Variants in SLC8A1 observed in about 807,000 individuals in gnomAD.
SLC8A1 encodes sodium/calcium exchanger 1.
SLC8A1 carries 18 observed loss-of-function variants against 68.3 expected under a neutral mutation model. The ratio of observed to expected loss-of-function variants is 0.26; its 90% CI spans 0.18 to 0.39. The LOEUF is 0.39. Ranked by LOEUF, SLC8A1 falls within the 10% of genes least tolerant of loss-of-function variation. The pLI is 1.00. For synonymous variants in SLC8A1, 475 were observed against 415.5 expected, an observed-to-expected ratio of 1.14 and a Z score of -1.74; for missense variants, 985 against 1,156.7, an observed-to-expected ratio of 0.85 and a Z score of 2.15.
At chr2:40,248,393 T>C (rs1277580874) in intron 2 of SLC8A1, among the ~76,000 whole-genome samples, 1 of 152,072 alleles carries the variant, frequency 6.6e-6, no homozygotes, top group Admixed American at 6.5e-5. Context: ...TTAGTGCCCT[T>C]ATAAAAGAGG....
chr2:40,355,411 G>A (rs190495117), intron 2 of SLC8A1, among the ~76,000 whole-genome samples: 11 of 152,254 alleles, frequency 7.2e-5, no homozygotes, highest in Admixed American at 5.2e-4. Flanking sequence ...GCAGAAGACA[G>A]GTCTTCCTGT....
At chr2:40,284,262 T>A (rs535796766) in intron 2 of SLC8A1, among the ~76,000 whole-genome samples, 2 of 150,220 alleles carry the variant, frequency 1.3e-5, no homozygotes, top group African/African-American at 4.9e-5. Context: ...TCTCTATATA[T>A]AAATATATAG....
At chr2:40,367,676 C>G (rs1676699258) in intron 2 of SLC8A1, among the ~76,000 whole-genome samples, 1 of 152,008 alleles carries the variant, frequency 6.6e-6, no homozygotes, top group African/African-American at 2.4e-5. Flanking sequence ...TCAATGAAAT[C>G]TGAACATGTG....
chr2:40,355,918 T>C (rs6544324), intron 2 of SLC8A1, among the ~76,000 whole-genome samples: 79,211 of 152,000 alleles, frequency 0.52, 21,252 homozygotes, highest in Admixed American at 0.61. Context: ...GCTGGAAAGG[T>C]TGATGCTCTG....
At chr2:40,395,393 C>G (rs1686600916) in intron 2 of SLC8A1, among the ~76,000 whole-genome samples, 1 of 152,120 alleles carries the variant, frequency 6.6e-6, no homozygotes, top group African/African-American at 2.4e-5. Context: ...GTGCAGGCCC[C>G]TCTTATGACA....
chr2:40,237,677 C>T (rs1244985067), intron 2 of SLC8A1, among the ~76,000 whole-genome samples: 21 of 152,152 alleles, frequency 1.4e-4, no homozygotes, highest in South Asian at 8.3e-4. Flanking sequence ...GGAGGAGAGG[C>T]GCTCTGCTTT....
chr2:40,319,004 G>C (rs548860286), intron 2 of SLC8A1, among the ~76,000 whole-genome samples: 1 of 152,070 alleles, frequency 6.6e-6, no homozygotes, highest in East Asian at 1.9e-4. Context: ...ACACCAACTG[G>C]AAAGCTTTCA....
intron 2 of SLC8A1, among the ~76,000 whole-genome samples, chr2:40,370,487 T>C (rs1395742564): frequency 6.6e-6 from 1 of 152,068 alleles, no homozygotes; most frequent in Non-Finnish European, 1.5e-5. Context: ...TGACTTTGCT[T>C]TTTCTCATGT....
intron 2 of SLC8A1, among the ~76,000 whole-genome samples, chr2:40,239,489 C>G (rs1380816550): frequency 1.3e-5 from 2 of 152,120 alleles, no homozygotes; most frequent in Non-Finnish European, 2.9e-5. Flanking sequence ...GGAACCAATG[C>G]CTAAAAAAGT....
chr2:40,230,086 C>T (rs2059464976), intron 2 of SLC8A1, among the ~76,000 whole-genome samples: 1 of 152,272 alleles, frequency 6.6e-6, no homozygotes, highest in South Asian at 2.1e-4. Context: ...AGAGCTAGGG[C>T]TGCAATCCAT....
intron 2 of SLC8A1, among the ~76,000 whole-genome samples, chr2:40,367,559 A>G (rs150242707): frequency 6.6e-6 from 1 of 152,052 alleles, no homozygotes; most frequent in Non-Finnish European, 1.5e-5. Context: ...TCCTTGCCCT[A>G]TTGAAAACCG....
intron 5 of SLC8A1, among the ~76,000 whole-genome samples, chr2:40,163,684 CCG>C (rs2148468444): frequency 6.6e-6 from 1 of 152,076 alleles, no homozygotes; most frequent in South Asian, 2.1e-4. Context: ...CTGTTTACCC[CCG>C]GACCCCCTCC....
At chr2:40,324,670 C>A (rs972436920) in intron 2 of SLC8A1, among the ~76,000 whole-genome samples, 16 of 151,940 alleles carry the variant, frequency 1.1e-4, no homozygotes, top group African/African-American at 3.9e-4. Context: ...CCTTCCTTTC[C>A]CTTCCCTTCC....
intron 2 of SLC8A1, among the ~76,000 whole-genome samples, chr2:40,345,970 C>T (rs918895574): frequency 3.4e-5 from 5 of 148,054 alleles, no homozygotes; most frequent in Non-Finnish European, 5.9e-5. Flanking sequence ...ATGAAACAAA[C>T]CTGCACATAC....
intron 2 of SLC8A1, among the ~76,000 whole-genome samples, chr2:40,183,621 A>T (rs1188153385): frequency 6.6e-6 from 1 of 152,208 alleles, no homozygotes; most frequent in Non-Finnish European, 1.5e-5. Flanking sequence ...CTGCATTTTA[A>T]CAAGATCCCC....
intron 2 of SLC8A1, among the ~76,000 whole-genome samples, chr2:40,339,381 C>T (rs939516249): frequency 1.3e-5 from 2 of 152,146 alleles, no homozygotes; most frequent in African/African-American, 4.8e-5. Flanking sequence ...GCACTGTGAG[C>T]CTCTCTGATG....
At chr2:40,335,117 G>A (rs1036696226) in intron 2 of SLC8A1, among the ~76,000 whole-genome samples, 1 of 152,160 alleles carries the variant, frequency 6.6e-6, no homozygotes, top group African/African-American at 2.4e-5. Flanking sequence ...AAGATAAATA[G>A]ATATAGGGAA....
chr2:40,414,090 T>C (rs1693058220), intron 2 of SLC8A1, among the ~76,000 whole-genome samples: 2 of 151,564 alleles, frequency 1.3e-5, no homozygotes, highest in South Asian at 4.1e-4. Flanking sequence ...AATACCTTGG[T>C]TTCTCTAATA....
chr2:40,370,245 C>A (rs1242801349), intron 2 of SLC8A1, among the ~76,000 whole-genome samples: 6 of 152,128 alleles, frequency 3.9e-5, no homozygotes, highest in African/African-American at 1.2e-4. Context: ...AGAACCATAA[C>A]CTCAGTTGGT....
Sources: gnomAD v4.1 joint callset for allele counts (sites outside exome capture counted in the v4.1 genomes callset) on GRCh38, gnomAD v4.1.1 for gene constraint, MANE v1.5 for transcripts, NCBI Gene and HGNC (gene_info 2026-07-23, HGNC 2026-07-21) for gene names.